PHKB: variants seen among roughly 807,000 people sequenced by gnomAD.
The protein encoded by PHKB is phosphorylase kinase regulatory subunit beta.
PHKB carries 122 observed loss-of-function variants against 152.1 expected under a neutral mutation model. The observed-to-expected ratio is 0.80, with a 90% CI of 0.69 to 0.93. The LOEUF (loss-of-function observed/expected upper bound fraction) is 0.93. Among genes scored for constraint, PHKB ranks in the 40% least tolerant of loss-of-function variants. The pLI is 0.00. For missense variants in PHKB, 1,304 were observed against 1,328.4 expected (o/e 0.98, Z 0.29); for synonymous variants, 436 against 464.9 (o/e 0.94, Z 0.80).
At position 47,589,055 on chromosome 16, in the gene PHKB, T is replaced by G. The variant is rs1971983905; in HGVS notation, c.1021T>G (p.Ser341Ala). Residue 341 changes from serine to alanine, a missense_variant, in exon 10 of 31, where the codon TCA becomes GCA. By Grantham distance (99) the Ser-to-Ala change is moderately conservative (BLOSUM62 1). Transcript: ENST00000323584. ...KRFLRDGYRT[S>A]LEDPNRCYYK... ...TTTCTTGAGAGATGGGTATAGAACATCATTGGAAGATCCCAACAGATGCTA... is the reference window on the plus strand; with the variant it reads ...TTTCTTGAGAGATGGGTATAGAACAGCATTGGAAGATCCCAACAGATGCTA... 6.2e-7 allele frequency: 1 copy of G among 1,613,630 alleles called. No homozygotes were observed. The highest frequency in any genetic ancestry group is 8.5e-7 in the Non-Finnish European group (1 of 1,179,606).
intron 26 of PHKB, among the ~76,000 whole-genome samples, chr16:47,684,202 G>A (rs1462658587): frequency 6.6e-6 from 1 of 151,964 alleles, no homozygotes; most frequent in Non-Finnish European, 1.5e-5. Context: ...GTGTAGCGGT[G>A]CCTGCCTGTA....
intron 6 of PHKB, among the ~76,000 whole-genome samples, chr16:47,537,344 C>T (rs1041197435): frequency 1.6e-4 from 24 of 152,196 alleles, no homozygotes; most frequent in African/African-American, 5.8e-4. Context: ...CTGAAGAAAG[C>T]AGAAACAGGG....
At chr16:47,650,502 T>TA in intron 18 of PHKB, 42 bp from the exon 19 acceptor site, 1 of 1,127,746 alleles carries the variant, frequency 8.9e-7, no homozygotes, top group African/African-American at 1.5e-5. Flanking sequence ...CTGTTCATCT[T>TA]AGATACTGTG....
At chr16:47,570,679 C>T (rs946590651) in intron 7 of PHKB, among the ~76,000 whole-genome samples, 5 of 151,178 alleles carry the variant, frequency 3.3e-5, no homozygotes, top group African/African-American at 1.2e-4. Context: ...CATTCATATC[C>T]TGTATTTTTT....
At chr16:47,628,244 AACT>A (rs369246633) in intron 14 of PHKB, among the ~76,000 whole-genome samples, 1 of 152,210 alleles carries the variant, frequency 6.6e-6, no homozygotes, top group Non-Finnish European at 1.5e-5. Context: ...TTAAAAATAA[AACT>A]ACTGGCCGGG....
Position 47,580,371 on chromosome 16 carries a change from AC to A in PHKB, c.774+18del, listed in dbSNP as rs762949367. Reference sequence around the variant, plus strand: ...TTTTGGCAACCAGGTAAAAAATAAGACCCCCAGAATCTTTGATTATTTGAAT... The same window carrying A: ...TTTTGGCAACCAGGTAAAAAATAAGACCCCAGAATCTTTGATTATTTGAAT... On this transcript the variant is annotated intron_variant, in intron 8 of 30. Transcript: ENST00000323584. The A allele has an allele frequency of 3.8e-6, 6 of 1,576,610 alleles. No individual in the cohort carries two copies. Among genetic ancestry groups the A allele is most frequent in the South Asian group, 3.3e-5 (3 of 90,316 alleles).
At chr16:47,675,801 C>T (rs1973721959) in intron 26 of PHKB, 1 of 152,184 alleles carries the variant, frequency 6.6e-6, no homozygotes, top group Admixed American at 6.6e-5. Context: ...GTGGCAAACA[C>T]CCTAAAATCC....
In PHKB at chr16:47,607,302, G is replaced by T. The variant is rs537674925; in HGVS notation, c.1364-3524G>T. 3.9e-4 allele frequency among the ~76,000 whole-genome samples: 60 copies of T among 152,118 alleles called. 1 individual carries two copies. The highest frequency in any genetic ancestry group is 1.4e-3 in the African/African-American group (58 of 41,490). On this transcript the variant is annotated intron_variant, in intron 13 of 30. Coordinates refer to ENST00000323584, the MANE Select transcript of PHKB (RefSeq NM_000293.3). ...TCATCTCCCTGCCAAAAAACCTCAT[G>T]CCCAGTAGTAGTCACTCCTCATTTC...
intron 6 of PHKB, among the ~76,000 whole-genome samples, chr16:47,546,260 C>T (rs146274053): frequency 8.5e-4 from 130 of 152,308 alleles, no homozygotes; most frequent in African/African-American, 3.0e-3. Context: ...TGGTGACCTA[C>T]AGATGGGGTT....
At chr16:47,692,259 A>G (rs183623736) in intron 27 of PHKB, among the ~76,000 whole-genome samples, 47 of 152,320 alleles carry the variant, frequency 3.1e-4, no homozygotes, top group Admixed American at 5.2e-4. Flanking sequence ...TGGTCATGAC[A>G]TATTTCCCTT....
At position 47,501,417 on chromosome 16, in the gene PHKB, T is replaced by G. The variant is rs187977538; in HGVS notation, c.305+1523T>G. On this transcript the variant is annotated intron_variant, in intron 3 of 30. Transcript: ENST00000323584. ...TTGGGTCATGCATTTAAAAATACTGTAAAGTATGAAAGTATGTTTTTGGGA... is the reference window on the plus strand; with the variant it reads ...TTGGGTCATGCATTTAAAAATACTGGAAAGTATGAAAGTATGTTTTTGGGA... Among the ~76,000 whole-genome samples, 144 of 152,286 alleles carry G rather than the reference T, an allele frequency of 9.5e-4. 2 individuals carry two copies. Among genetic ancestry groups the G allele is most frequent in the African/African-American group, 3.4e-3 (141 of 41,556 alleles).
rs568272804 is a variant in PHKB at position 47,491,546 on chromosome 16, A to G, written c.77-5853A>G. 9.9e-5 allele frequency among the ~76,000 whole-genome samples: 15 copies of G among 152,282 alleles called. No homozygotes were observed. In the East Asian group the frequency reaches 2.5e-3, roughly 25 times the overall value. On this transcript the variant is annotated intron_variant, in intron 1 of 30. Transcript: ENST00000323584. The stretch of plus-strand genomic sequence containing the variant: ...CCTTTAAAAAATATTTCATCCAAGC[A>G]CTTTTCTTCCTTTAGGCCAATTACT...
At chr16:47,557,242 T>A (rs189762585) in intron 7 of PHKB, among the ~76,000 whole-genome samples, 75 of 152,280 alleles carry the variant, frequency 4.9e-4, no homozygotes, top group African/African-American at 1.6e-3. Flanking sequence ...TCAAGATGGA[T>A]TAAAGACTTA....
intron 10 of PHKB, 94 bp downstream of exon 10, chr16:47,589,196 A>G (rs1971986525): frequency 2.3e-6 from 2 of 880,400 alleles, no homozygotes; most frequent in African/African-American, 1.7e-5. Flanking sequence ...TGGCTCTGCT[A>G]CTTACTAGCT....
chr16:47,498,163 G>T (rs1970264821), intron 2 of PHKB, among the ~76,000 whole-genome samples: 1 of 152,058 alleles, frequency 6.6e-6, no homozygotes, highest in Non-Finnish European at 1.5e-5. Context: ...GGATTTTTTG[G>T]TCTATTTCAA....
At chr16:47,572,181 G>C (rs1226373397) in intron 7 of PHKB, among the ~76,000 whole-genome samples, 2 of 152,170 alleles carry the variant, frequency 1.3e-5, no homozygotes, top group Non-Finnish European at 2.9e-5. Context: ...AAGGACCCAA[G>C]AAGTCCCCAG....
rs2151692433 is a variant in PHKB at position 47,579,994 on chromosome 16, T to A, written c.711-301T>A. On this transcript the variant is annotated intron_variant, in intron 7 of 30. Transcript: ENST00000323584. ...AATATACCTTCCTCTAAAGTTCGTC[T>A]TTTTTTCTTGAGTTAGTGAATAAAA... Among the ~76,000 whole-genome samples the A allele has an allele frequency of 3.9e-5, 6 of 152,256 alleles. No individual in the cohort carries two copies. The South Asian group carries it at 1.2e-3, about 32-fold the overall frequency.
chr16:47,613,472 A>ATCT (rs35141305), intron 14 of PHKB, among the ~76,000 whole-genome samples: 2 of 152,180 alleles, frequency 1.3e-5, no homozygotes, highest in Non-Finnish European at 2.9e-5. Context: ...CCAGCCCCAC[A>ATCT]GGGAAAAACC....
chr16:47,651,068 GT>G (rs1344452813), intron 20 of PHKB, 147 bp downstream of exon 20: 6 of 702,246 alleles, frequency 8.5e-6, no homozygotes, highest in Non-Finnish European at 1.3e-5. Flanking sequence ...CACTTTTCCA[GT>G]TTATCTGATC....
Sources: allele counts gnomAD v4.1 joint callset (sites outside exome capture counted in the v4.1 genomes callset), GRCh38; gene constraint gnomAD v4.1.1; transcripts MANE v1.5; gene names NCBI Gene and HGNC (gene_info 2026-07-23, HGNC 2026-07-21).